COL23A1: variants seen among roughly 807,000 people sequenced by gnomAD.
COL23A1 encodes collagen type XXIII alpha 1 chain.
In COL23A1, 97 loss-of-function variants were observed where a neutral mutation model predicts 99.3. The observed-to-expected ratio is 0.98, with a 90% CI of 0.83 to 1.16. COL23A1 has a LOEUF of 1.16. COL23A1 is among the 50% of genes most tolerant of loss of function. The pLI is 0.00. For missense variants in COL23A1, 762 were observed against 757.4 expected (o/e 1.01, Z -0.07); for synonymous variants, 320 against 308.2 (o/e 1.04, Z -0.40).
intron 27 of COL23A1, among the ~76,000 whole-genome samples, chr5:178,241,157 G>C (rs1289943344): frequency 6.6e-6 from 1 of 152,162 alleles, no homozygotes; most frequent in Non-Finnish European, 1.5e-5. Flanking sequence ...CTTGAGCCTG[G>C]GAGATGGAGG....
intron 2 of COL23A1, among the ~76,000 whole-genome samples, chr5:178,490,247 AAC>A (rs1430053929): frequency 4.0e-4 from 61 of 152,182 alleles, no homozygotes; most frequent in African/African-American, 1.3e-3. Flanking sequence ...AAAAACAAAA[AAC>A]AAAAAATGAG....
At chr5:178,548,622 G>A (rs1416633774) in intron 2 of COL23A1, among the ~76,000 whole-genome samples, 5 of 149,840 alleles carry the variant, frequency 3.3e-5, no homozygotes, top group Admixed American at 1.3e-4. Context: ...GCGCAATCTC[G>A]GCTCCCTGCA....
At chr5:178,253,233 A>C (rs932213164) in intron 16 of COL23A1, among the ~76,000 whole-genome samples, 1 of 150,796 alleles carries the variant, frequency 6.6e-6, no homozygotes, top group Non-Finnish European at 1.5e-5. Context: ...GAAAAACTGC[A>C]CCCTGCCCAG....
intron 2 of COL23A1, among the ~76,000 whole-genome samples, chr5:178,437,071 C>G (rs1276202245): frequency 6.6e-6 from 1 of 152,076 alleles, no homozygotes; most frequent in African/African-American, 2.4e-5. Flanking sequence ...TTCTTAATAC[C>G]CTGCCCTCCA....
At chr5:178,252,484 G>A in intron 17 of COL23A1, 60 bp downstream of exon 17, 1 of 1,492,592 alleles carries the variant, frequency 6.7e-7, no homozygotes, top group African/African-American at 1.4e-5. Context: ...CAGACAGGAA[G>A]AGGGAGGTGG....
intron 2 of COL23A1, among the ~76,000 whole-genome samples, chr5:178,377,415 C>T (rs1224246498): frequency 6.6e-6 from 1 of 152,256 alleles, no homozygotes; most frequent in East Asian, 1.9e-4. Context: ...CACCCCACTG[C>T]TTCTGGAGAA....
At chr5:178,585,224 A>ACC (rs1299449684) in intron 1 of COL23A1, among the ~76,000 whole-genome samples, 1 of 151,852 alleles carries the variant, frequency 6.6e-6, no homozygotes, top group Non-Finnish European at 1.5e-5. Flanking sequence ...GGATGACTGA[A>ACC]CCCCCGCTCT....
chr5:178,350,452 C>A (rs2913807), intron 2 of COL23A1, among the ~76,000 whole-genome samples: 86,415 of 151,332 alleles, frequency 0.57, 24,975 homozygotes, highest in East Asian at 0.77. Flanking sequence ...AGGGCAGGGC[C>A]GTCAGGAAGC....
chr5:178,573,319 G>T (rs1279942675), intron 1 of COL23A1, among the ~76,000 whole-genome samples: 1 of 152,236 alleles, frequency 6.6e-6, no homozygotes, highest in African/African-American at 2.4e-5. Flanking sequence ...CTGAGCCTCA[G>T]GTTCTGCCTG....
chr5:178,284,625 G>T (rs1308963638), intron 5 of COL23A1, among the ~76,000 whole-genome samples: 1 of 152,170 alleles, frequency 6.6e-6, no homozygotes, highest in Non-Finnish European at 1.5e-5. Context: ...GATGTTGACT[G>T]TAAGGGTGAA....
chr5:178,242,490 A>G, intron 25 of COL23A1, 96 bp from the exon 26 acceptor site: 1 of 1,253,644 alleles, frequency 8.0e-7, no homozygotes, highest in Non-Finnish European at 1.1e-6. Context: ...CCACACGCCC[A>G]CTTTCCCCCC....
chr5:178,249,734 TC>T (rs1764927431), intron 18 of COL23A1, among the ~76,000 whole-genome samples: 1 of 142,492 alleles, frequency 7.0e-6, no homozygotes, highest in Non-Finnish European at 1.5e-5. Flanking sequence ...TCTCTCTCTC[TC>T]TCTCTCTCTC....
At chr5:178,285,071 C>T (rs1020561466) in intron 5 of COL23A1, among the ~76,000 whole-genome samples, 4 of 152,208 alleles carry the variant, frequency 2.6e-5, no homozygotes, top group African/African-American at 4.8e-5. Context: ...ACAGGCCAGC[C>T]TCTGTACACG....
intron 2 of COL23A1, among the ~76,000 whole-genome samples, chr5:178,405,417 T>C (rs974907310): frequency 3.3e-5 from 5 of 152,246 alleles, no homozygotes; most frequent in Non-Finnish European, 5.9e-5. Context: ...TAGGAGATTG[T>C]AAATCTCCAG....
intron 2 of COL23A1, among the ~76,000 whole-genome samples, chr5:178,354,683 G>T (rs1408767825): frequency 6.6e-6 from 1 of 152,154 alleles, no homozygotes; most frequent in African/African-American, 2.4e-5. Flanking sequence ...CACCATGATT[G>T]TAAGTTTCCT....
In COL23A1 at chr5:178,470,321, T is replaced by C. The variant is rs191749430; in HGVS notation, c.361+90361A>G. On this transcript the variant is annotated intron_variant, in intron 2 of 28. Transcript: ENST00000390654. ...ACGCCCCCTGCCCCATGTCTTCCCT[T>C]AGCCAGGAGCCAGTGTCCTTGGGCA... is the stretch of plus-strand genomic sequence containing the variant. Among the ~76,000 whole-genome samples, 461 of 152,264 alleles carry C rather than the reference T, an allele frequency of 3.0e-3. 5 individuals are homozygous for C. The highest frequency in any genetic ancestry group is 0.028 in the Admixed American group (425 of 15,288).
At chr5:178,333,242 C>A (rs976666815) in intron 2 of COL23A1, among the ~76,000 whole-genome samples, 1 of 152,304 alleles carries the variant, frequency 6.6e-6, no homozygotes, top group South Asian at 2.1e-4. Context: ...AGGCGTGAGC[C>A]ACCGCGCCCG....
In COL23A1 at chr5:178,291,523, T is replaced by C. The variant is rs79898073; in HGVS notation, c.407-1154A>G. Among the ~76,000 whole-genome samples, 549 of 152,172 alleles carry C rather than the reference T, an allele frequency of 3.6e-3. 2 individuals are homozygous for C. The highest frequency in any genetic ancestry group is 0.027 in the Middle Eastern group (8 of 294). ...CAGAACATGCCAAGATCACGGGCTT[T>C]TGAGGATCCAGGAGAAGTGAAGGCT... On this transcript the variant is annotated intron_variant, in intron 3 of 28. Transcript: ENST00000390654.
chr5:178,523,201 TAGAG>T lies in COL23A1; in HGVS notation c.361+37477_361+37480del, dbSNP rs70997609. On this transcript the variant is annotated intron_variant, in intron 2 of 28. Coordinates refer to ENST00000390654, the MANE Select transcript of COL23A1 (RefSeq NM_173465.4). The stretch of plus-strand genomic sequence containing the variant: ...ATACACATATATATATATATATATA[TAGAG>T]AGAGAGAGAGAGAGAGAGAGACAGA... Among the ~76,000 whole-genome samples the T allele has an allele frequency of 9.3e-3, 722 of 77,596 alleles. 6 individuals carry two copies. The highest frequency in any genetic ancestry group is 0.015 in the Middle Eastern group (2 of 136). 50.9% of individuals were successfully genotyped at this position (77,596 alleles called of 152,430 possible).
Sources: allele counts gnomAD v4.1 joint callset (sites outside exome capture counted in the v4.1 genomes callset), GRCh38; gene constraint gnomAD v4.1.1; transcripts MANE v1.5; gene names NCBI Gene and HGNC (gene_info 2026-07-23, HGNC 2026-07-21).